SMC2: variants seen among roughly 807,000 people sequenced by gnomAD.
The protein encoded by SMC2 is structural maintenance of chromosomes 2, also known as structural maintenance of chromosomes protein 2.
SMC2 carries 41 observed loss-of-function variants against 142.6 expected under a neutral mutation model. That is an observed-to-expected ratio of 0.29 (90% CI 0.22 to 0.37). The LOEUF (loss-of-function observed/expected upper bound fraction) is 0.37, where lower values mean the gene tolerates loss of function less well. Among genes scored for constraint, SMC2 ranks in the 10% least tolerant of loss-of-function variants. The probability of loss-of-function intolerance (pLI) is 1.00; values close to 1 mark genes in which losing one functional copy is unlikely to be tolerated. For synonymous variants in SMC2, 463 were observed against 457.5 expected, an observed-to-expected ratio of 1.01 and a Z score of -0.15; for missense variants, 1,265 against 1,373.7, an observed-to-expected ratio of 0.92 and a Z score of 1.25.
chr9:104,122,334 AG>A (rs1482954548), intron 16 of SMC2, among the ~76,000 whole-genome samples: 1 of 152,226 alleles, frequency 6.6e-6, no homozygotes, highest in Non-Finnish European at 1.5e-5. Flanking sequence ...ATATCAGGAA[AG>A]TAACATCTTT....
intron 16 of SMC2, among the ~76,000 whole-genome samples, chr9:104,120,690 A>G (rs891502319): frequency 2.0e-5 from 3 of 152,222 alleles, no homozygotes; most frequent in Non-Finnish European, 4.4e-5. Flanking sequence ...TCTTCTGTGT[A>G]GGTATGGATA....
rs375477438 is a variant in SMC2, at chr9:104,111,569, C to A, written c.1021-12C>A. 2.3e-5 allele frequency: 36 copies of A among 1,571,650 alleles called. No homozygotes were observed. The highest frequency in any genetic ancestry group is 3.0e-5 in the Non-Finnish European group (35 of 1,148,126). On this transcript the variant is annotated splice_polypyrimidine_tract_variant and intron_variant, in intron 9 of 24. Transcript: ENST00000374793. ...AAATATAATATTTTTCCATTTGAAA[C>A]TCTTCCTAAAGGACTCAAAAACTTT... is the stretch of plus-strand genomic sequence containing the variant.
chr9:104,117,044 C>CTTAG (rs1833196138), intron 14 of SMC2, among the ~76,000 whole-genome samples: 1 of 152,028 alleles, frequency 6.6e-6, no homozygotes. Context: ...TTGTTGTATC[C>CTTAG]TTAGTTACAT....
intron 23 of SMC2, 35 bp downstream of exon 23, chr9:104,134,610 T>A: frequency 1.4e-6 from 1 of 694,840 alleles, no homozygotes; most frequent in Non-Finnish European, 2.1e-6. Flanking sequence ...TAATTTTCAT[T>A]CCTCTTTATT....
intron 23 of SMC2, among the ~76,000 whole-genome samples, chr9:104,137,517 G>C (rs1168259528): frequency 6.6e-6 from 1 of 151,976 alleles, no homozygotes; most frequent in Non-Finnish European, 1.5e-5. Flanking sequence ...TTCACAAATG[G>C]TACCAAAAAA....
At chr9:104,107,279 A>T (rs1227025719) in intron 9 of SMC2, among the ~76,000 whole-genome samples, 1 of 152,220 alleles carries the variant, frequency 6.6e-6, no homozygotes, top group African/African-American at 2.4e-5. Flanking sequence ...CCAGTGCACA[A>T]TAGCAAGCAA....
upstream of SMC2, among the ~76,000 whole-genome samples, chr9:104,091,441 T>C (rs1829980583): frequency 1.3e-5 from 2 of 152,132 alleles, no homozygotes; most frequent in Admixed American, 1.3e-4. Context: ...TCACATAATG[T>C]AATCAGACAT....
At position 104,127,615 on chromosome 9, in the gene SMC2, T is replaced by G. The variant is rs936660883; in HGVS notation, c.2790+135T>G. 11 of 520,192 alleles carry G rather than the reference T, an allele frequency of 2.1e-5. No individual in the cohort carries two copies. In the Admixed American group the frequency reaches 2.8e-4, roughly 13 times the overall value. 32.2% of individuals were successfully genotyped at this position (520,192 alleles called of 1,614,324 possible). The stretch of plus-strand genomic sequence containing the variant: ...TTACAGCCTGGCATAAATTTGAGCT[T>G]GCAGCTTTAACTGCTTTTCAACAAT... On this transcript the variant is annotated intron_variant, in intron 20 of 24. Transcript: ENST00000374793.
rs180981725 is a variant in SMC2 at position 104,095,288 on chromosome 9, A to G, written c.-61-36A>G. ...GTGTTCATTATGATTCCAGGTTTAC[A>G]TTCCACTTAGGTGGTGGTATTTCTG... On this transcript the variant is annotated intron_variant, in intron 1 of 24. Coordinates refer to ENST00000374793, the MANE Select transcript of SMC2 (RefSeq NM_006444.3). 4 of 963,566 alleles carry G rather than the reference A, an allele frequency of 4.2e-6. No homozygotes were observed. In the East Asian group the frequency reaches 9.7e-5, roughly 23 times the overall value. 59.7% of individuals were successfully genotyped at this position (963,566 alleles called of 1,614,324 possible).
rs756077787 is a variant in SMC2, at chr9:104,131,714, T to C, written c.2992-295T>C. Among the ~76,000 whole-genome samples, 4 of 151,166 alleles carry C rather than the reference T, an allele frequency of 2.6e-5. No individual in the cohort carries two copies. The Middle Eastern group carries it at 0.01, about 386-fold the overall frequency. ...AGGGAATATTAGTGGAGTCAAAATA[T>C]TTTAAGGACTTTGTCTTATAAATTC... is the stretch of plus-strand genomic sequence containing the variant. On this transcript the variant is annotated intron_variant, in intron 21 of 24. Transcript: ENST00000374793.
At chr9:104,102,616 T>G in intron 9 of SMC2, 43 bp downstream of exon 9, 4 of 1,576,140 alleles carry the variant, frequency 2.5e-6, no homozygotes, top group Non-Finnish European at 3.5e-6. Flanking sequence ...TGTAGACAAG[T>G]ATATAGTCTC....
chr9:104,136,628 C>G (rs79214185), intron 23 of SMC2, among the ~76,000 whole-genome samples: 1 of 151,866 alleles, frequency 6.6e-6, no homozygotes, highest in East Asian at 1.9e-4. Context: ...AAACTCAATA[C>G]TTGAGGCACT....
chr9:104,116,086 T>G, intron 13 of SMC2, 114 bp from the exon 14 acceptor site: 1 of 886,440 alleles, frequency 1.1e-6, no homozygotes, highest in Non-Finnish European at 1.7e-6. Context: ...TAATTATAAC[T>G]TGATTGGGAT....
intron 13 of SMC2, among the ~76,000 whole-genome samples, chr9:104,115,128 C>A (rs1178488168): frequency 1.3e-5 from 2 of 152,058 alleles, no homozygotes; most frequent in South Asian, 4.1e-4. Context: ...GTCAGTCTTC[C>A]CATCAAGGTA....
chr9:104,110,750 A>G lies in SMC2; in HGVS notation c.1021-831A>G, dbSNP rs1832344373. The stretch of plus-strand genomic sequence containing the variant: ...TCAGGGCTTTCAAGTATACTGCCCC[A>G]CAAGTATTTGCGCAGTCACTCCTCT... On this transcript the variant is annotated intron_variant, in intron 9 of 24. Coordinates refer to ENST00000374793, the MANE Select transcript of SMC2 (RefSeq NM_006444.3). Among the ~76,000 whole-genome samples the G allele has an allele frequency of 2.0e-5, 3 of 152,308 alleles. No individual in the cohort carries two copies. The South Asian group carries it at 6.2e-4, about 32-fold the overall frequency.
At chr9:104,091,576 A>C (rs941375020), upstream of SMC2, among the ~76,000 whole-genome samples, 2 of 152,212 alleles carry the variant, frequency 1.3e-5, no homozygotes, top group Admixed American at 6.5e-5. Context: ...CCAATGTAAA[A>C]ATATAAACTT....
rs1834118259 is a variant in SMC2 at position 104,125,112 on chromosome 9, A to ACTT, written c.2451+11_2451+13dup. On this transcript the variant is annotated splice_region_variant and intron_variant, in intron 18 of 24. Transcript: ENST00000374793. ...GATGAAAGAAAAACAACAGGTAATAACTTCTTTTTGAAATTGAACCAACCT... is the reference window on the plus strand; with the variant it reads ...GATGAAAGAAAAACAACAGGTAATAACTTCTTCTTTTTGAAATTGAACCAACCT... 1 of 1,563,114 alleles carries ACTT rather than the reference A, an allele frequency of 6.4e-7. No individual in the cohort carries two copies. Among genetic ancestry groups the ACTT allele is most frequent in the Admixed American group, 2.2e-5 (1 of 45,540 alleles).
chr9:104,088,607 C>T, the SMC2 span, among the ~76,000 whole-genome samples: 15 of 151,546 alleles, frequency 9.9e-5, no homozygotes, highest in African/African-American at 2.9e-4. Flanking sequence ...TCAGGAATGA[C>T]GAAAAGATGG....
chr9:104,100,314 C>A, intron 6 of SMC2, 75 bp from the exon 7 acceptor site: 1 of 1,406,814 alleles, frequency 7.1e-7, no homozygotes, highest in Admixed American at 1.9e-5. Flanking sequence ...CCATAGTCAT[C>A]CCTGCTACTT....
Sources: gnomAD v4.1 joint callset for allele counts (sites outside exome capture counted in the v4.1 genomes callset) on GRCh38, gnomAD v4.1.1 for gene constraint, MANE v1.5 for transcripts, NCBI Gene and HGNC (gene_info 2026-07-23, HGNC 2026-07-21) for gene names.